Variants in ARMH3 observed in about 807,000 individuals in gnomAD.
ARMH3 encodes armadillo-like helical domain-containing protein 3.
In ARMH3, 60 loss-of-function variants were observed where a neutral mutation model predicts 99.1. The observed-to-expected ratio is 0.61, with a 90% confidence interval of 0.49 to 0.75. The LOEUF is 0.75. Ranked by LOEUF, ARMH3 falls within the 30% of genes least tolerant of loss-of-function variation. ARMH3 has a pLI of 0.00. For synonymous variants in ARMH3, 285 were observed against 292.8 expected (o/e 0.97, Z 0.27); for missense variants, 679 against 843.1 (o/e 0.81, Z 2.41).
chr10:102,039,048 C>G (rs1399800612), intron 2 of ARMH3, among the ~76,000 whole-genome samples: 1 of 151,972 alleles, frequency 6.6e-6, no homozygotes, highest in African/African-American at 2.4e-5. Flanking sequence ...GCCAGTAATT[C>G]TTTTTGTAAG....
intron 22 of ARMH3, among the ~76,000 whole-genome samples, chr10:101,951,427 T>G (rs993355662): frequency 5.9e-5 from 9 of 151,872 alleles, no homozygotes; most frequent in Non-Finnish European, 1.0e-4. Flanking sequence ...AAATAAATTA[T>G]CCAGGTATGG....
At chr10:102,034,716 A>C (rs774995674) in intron 2 of ARMH3, among the ~76,000 whole-genome samples, 3 of 151,730 alleles carry the variant, frequency 2.0e-5, no homozygotes, top group Non-Finnish European at 2.9e-5. Context: ...ATAGCCCACT[A>C]CCACCTTATT....
chr10:101,993,287 A>G (rs199776648), intron 17 of ARMH3, among the ~76,000 whole-genome samples: 2 of 30,498 alleles, frequency 6.6e-5, no homozygotes, highest in Non-Finnish European at 1.8e-4. Flanking sequence ...TCAAAAAAAG[A>G]AAAAAAAAAA....
At chr10:102,021,688 C>T (rs1023705317) in intron 8 of ARMH3, among the ~76,000 whole-genome samples, 3 of 152,012 alleles carry the variant, frequency 2.0e-5, no homozygotes, top group Non-Finnish European at 4.4e-5. Context: ...GCTGGGACTA[C>T]AGGTGCCCGC....
rs59948871 is a variant in ARMH3, at chr10:101,878,757, T to C, written c.1860+10655A>G. Among the ~76,000 whole-genome samples, 382 of 152,008 alleles carry C rather than the reference T, an allele frequency of 2.5e-3. 3 individuals are homozygous for C. The highest frequency in any genetic ancestry group is 0.019 in the East Asian group (96 of 5,174). On this transcript the variant is annotated intron_variant, in intron 24 of 25. Coordinates refer to ENST00000370033, the MANE Select transcript of ARMH3 (RefSeq NM_024541.3). ...CAGGAGGATCACTTGAGCCCAGGAATTGGAGCCTGCAGTGAGCTATAATTG... is the reference window on the plus strand; with the variant it reads ...CAGGAGGATCACTTGAGCCCAGGAACTGGAGCCTGCAGTGAGCTATAATTG...
intron 23 of ARMH3, among the ~76,000 whole-genome samples, chr10:101,937,598 A>G (rs566953178): frequency 6.6e-6 from 1 of 152,168 alleles, no homozygotes; most frequent in Non-Finnish European, 1.5e-5. Context: ...GGGGCCTTCC[A>G]CAATATACAA....
chr10:101,874,247 A>G (rs2067204973), intron 24 of ARMH3, among the ~76,000 whole-genome samples: 1 of 152,088 alleles, frequency 6.6e-6, no homozygotes. Flanking sequence ...AACATATTTT[A>G]TTATATGTTA....
chr10:101,870,271 A>G (rs2067103310), intron 24 of ARMH3, among the ~76,000 whole-genome samples: 1 of 152,240 alleles, frequency 6.6e-6, no homozygotes, highest in African/African-American at 2.4e-5. Flanking sequence ...ACATAAATGA[A>G]TAACTTCCTT....
intron 4 of ARMH3, among the ~76,000 whole-genome samples, chr10:102,030,008 C>T (rs1294607668): frequency 1.3e-5 from 2 of 151,788 alleles, no homozygotes; most frequent in Admixed American, 6.6e-5. Flanking sequence ...ACAGCCTTGA[C>T]CTCCTGGGCT....
intron 20 of ARMH3, among the ~76,000 whole-genome samples, chr10:101,964,893 G>C (rs2135860904): frequency 6.6e-6 from 1 of 151,488 alleles, no homozygotes; most frequent in East Asian, 1.9e-4. Flanking sequence ...CACACCTATA[G>C]TCCCAGCTAC....
rs2066517710 is a variant in ARMH3, at chr10:102,007,173, A to AAAAAAG, written c.955-546_955-541dup. ...AGACTCTATCTCAAAAAAAAAAAAA[A>AAAAAAG]AAAAAGAAAAAAAAAGCTGAGAAGG... On this transcript the variant is annotated intron_variant, in intron 13 of 25. Coordinates refer to ENST00000370033, the MANE Select transcript of ARMH3 (RefSeq NM_024541.3). Among the ~76,000 whole-genome samples, 2 of 149,640 alleles carry AAAAAAG rather than the reference A, an allele frequency of 1.3e-5. 1 individual carries two copies.
chr10:101,932,155 G>A (rs539685860), intron 23 of ARMH3, among the ~76,000 whole-genome samples: 16 of 152,252 alleles, frequency 1.1e-4, no homozygotes, highest in Admixed American at 4.6e-4. Context: ...ATAAAAAGAT[G>A]CTCAACATCA....
intron 14 of ARMH3, among the ~76,000 whole-genome samples, chr10:102,003,805 A>G (rs1473919322): frequency 6.6e-6 from 1 of 152,240 alleles, no homozygotes; most frequent in African/African-American, 2.4e-5. Flanking sequence ...ATGAAAAGAA[A>G]TCAGCATGCC....
intron 19 of ARMH3, among the ~76,000 whole-genome samples, chr10:101,987,194 T>G (rs775930602): frequency 1.3e-5 from 2 of 152,026 alleles, no homozygotes; most frequent in African/African-American, 4.8e-5. Context: ...TTCTACTCTC[T>G]TATCCTCCCT....
intron 19 of ARMH3, 126 bp from the exon 20 acceptor site, chr10:101,975,426 G>A: frequency 1.0e-5 from 6 of 600,174 alleles, no homozygotes; most frequent in Non-Finnish European, 1.8e-5. Flanking sequence ...ATGTATACAT[G>A]CAAAAAAATA....
At chr10:101,857,444 C>CA (rs2066761255) in intron 24 of ARMH3, among the ~76,000 whole-genome samples, 1 of 150,370 alleles carries the variant, frequency 6.7e-6, no homozygotes, top group Non-Finnish European at 1.5e-5. Context: ...GACTCCACTT[C>CA]AAAAAAAAAT....
chr10:102,000,479 C>T (rs560417795), intron 15 of ARMH3, among the ~76,000 whole-genome samples: 3 of 151,872 alleles, frequency 2.0e-5, no homozygotes, highest in Non-Finnish European at 4.4e-5. Context: ...AGTTCTGAGG[C>T]CAGGTGCGGT....
chr10:101,949,176 T>TA lies in ARMH3; in HGVS notation c.1705+7420dup, dbSNP rs1362986339. Among the ~76,000 whole-genome samples the TA allele has an allele frequency of 3.3e-5, 5 of 151,556 alleles. No homozygotes were observed. The East Asian group carries it at 9.7e-4, about 29-fold the overall frequency. ...ATATCAATGAACTATGCTTGCACCCTAAAAAACTAGCAAAAAAAGAGCAAA... is the reference window on the plus strand; with the variant it reads ...ATATCAATGAACTATGCTTGCACCCTAAAAAAACTAGCAAAAAAAGAGCAAA... On this transcript the variant is annotated intron_variant, in intron 22 of 25. Coordinates refer to ENST00000370033, the MANE Select transcript of ARMH3 (RefSeq NM_024541.3).
chr10:101,864,078 A>ACAT, intron 24 of ARMH3, among the ~76,000 whole-genome samples: 1 of 106,284 alleles, frequency 9.4e-6, no homozygotes, highest in African/African-American at 3.4e-5. Context: ...AAAAAAAAAA[A>ACAT]ACACACACAC....
Sources: gnomAD v4.1 joint callset for allele counts (sites outside exome capture counted in the v4.1 genomes callset) on GRCh38, gnomAD v4.1.1 for gene constraint, MANE v1.5 for transcripts, NCBI Gene and HGNC (gene_info 2026-07-23, HGNC 2026-07-21) for gene names.